The following SND1 variants were observed in gnomAD, a reference collection of about 807,000 sequenced individuals.
SND1 encodes the protein staphylococcal nuclease and tudor domain containing 1, also known as staphylococcal nuclease domain-containing protein 1.
Under a neutral mutation model 121.7 loss-of-function variants are expected in SND1, and 38 were observed. The observed-to-expected ratio is 0.31, with a 90% confidence interval of 0.24 to 0.41. The LOEUF is 0.41. Among genes scored for constraint, SND1 ranks in the 10% least tolerant of loss-of-function variants. SND1 has a pLI of 1.00. For missense variants in SND1, 868 were observed against 1,184.6 expected, an observed-to-expected ratio of 0.73 and a Z score of 3.92; for synonymous variants, 401 against 447.4, an observed-to-expected ratio of 0.90 and a Z score of 1.31.
At chr7:127,837,918 G>A (rs1260480246) in intron 11 of SND1, among the ~76,000 whole-genome samples, 1 of 152,180 alleles carries the variant, frequency 6.6e-6, no homozygotes, top group Non-Finnish European at 1.5e-5. Flanking sequence ...ATAGAAGGGT[G>A]CGACTCCTGG....
chr7:127,979,297 A>G (rs575873489), intron 15 of SND1, among the ~76,000 whole-genome samples: 7 of 152,306 alleles, frequency 4.6e-5, no homozygotes, highest in African/African-American at 1.7e-4. Context: ...CAGCAAGGCA[A>G]TTTTACTTCT....
rs1046083057 is a variant in SND1 at position 127,952,520 on chromosome 7, C to T, written c.1669+23191C>T. 5.9e-5 allele frequency among the ~76,000 whole-genome samples: 9 copies of T among 151,476 alleles called. 1 individual carries two copies. Among genetic ancestry groups the T allele is most frequent in the African/African-American group, 2.2e-4 (9 of 40,796 alleles). ...TTAGCTGTAGGCTGAAAATTAGGAACTCTGAGCTTTCTTGTATTTTTTCAG... is the reference window on the plus strand; with the variant it reads ...TTAGCTGTAGGCTGAAAATTAGGAATTCTGAGCTTTCTTGTATTTTTTCAG... On this transcript the variant is annotated intron_variant, in intron 15 of 23. Transcript: ENST00000354725.
chr7:127,692,775 AG>A (rs1291842418), intron 2 of SND1, among the ~76,000 whole-genome samples: 2 of 152,220 alleles, frequency 1.3e-5, no homozygotes, highest in African/African-American at 4.8e-5. Flanking sequence ...TTACACGGTT[AG>A]GCATATGTCC....
chr7:128,029,657 G>A lies in SND1; in HGVS notation c.1779+38601G>A. On this transcript the variant is annotated intron_variant, in intron 16 of 23. Coordinates refer to ENST00000354725, the MANE Select transcript of SND1 (RefSeq NM_014390.4). This position sits in a 1 kb window ranked among gnomAD's most constrained non-coding sequence, Gnocchi z 4.2. Reference sequence around the variant, plus strand: ...CTCGCATGTGCATGGGAGCATGACAGCGGCCACAGCAGGTGGAATTGGTGG... The same window carrying A: ...CTCGCATGTGCATGGGAGCATGACAACGGCCACAGCAGGTGGAATTGGTGG... 6.2e-7 allele frequency: 1 copy of A among 1,613,986 alleles called. No homozygotes were observed. The highest frequency in any genetic ancestry group is 1.1e-5 in the South Asian group (1 of 91,072).
At chr7:127,840,069 C>T (rs1461619971) in intron 11 of SND1, among the ~76,000 whole-genome samples, 2 of 152,188 alleles carry the variant, frequency 1.3e-5, no homozygotes, top group Admixed American at 6.5e-5. Flanking sequence ...ACATTTACAG[C>T]GTAGTCTCCT....
At chr7:127,664,597 G>A (rs904219557) in intron 1 of SND1, among the ~76,000 whole-genome samples, 2 of 152,176 alleles carry the variant, frequency 1.3e-5, no homozygotes, top group Non-Finnish European at 2.9e-5. Context: ...TTACTAGTAA[G>A]TAGGCTGTTT....
chr7:127,967,948 A>G (rs1174832374), intron 15 of SND1, among the ~76,000 whole-genome samples: 1 of 152,156 alleles, frequency 6.6e-6, no homozygotes, highest in Non-Finnish European at 1.5e-5. Context: ...TACTCTATGT[A>G]TTTCCCCCTG....
At chr7:128,046,787 GACTA>G (rs148893838) in intron 16 of SND1, among the ~76,000 whole-genome samples, 51 of 152,236 alleles carry the variant, frequency 3.4e-4, no homozygotes, top group Non-Finnish European at 6.0e-4. Flanking sequence ...TAACTGCTAA[GACTA>G]ACTATTTCCT....
At chr7:127,817,948 A>G (rs1435542106) in intron 11 of SND1, among the ~76,000 whole-genome samples, 1 of 152,012 alleles carries the variant, frequency 6.6e-6, no homozygotes, top group Non-Finnish European at 1.5e-5. Flanking sequence ...GACATTGACA[A>G]TGACGTCGAG....
chr7:127,700,317 G>C (rs1293438177), intron 4 of SND1, among the ~76,000 whole-genome samples: 2 of 152,180 alleles, frequency 1.3e-5, no homozygotes, highest in East Asian at 1.9e-4. Context: ...TTGGATCCCT[G>C]AGGGTGTGGT....
chr7:127,789,083 A>G (rs1345604619), intron 10 of SND1, among the ~76,000 whole-genome samples: 1 of 152,204 alleles, frequency 6.6e-6, no homozygotes, highest in African/African-American at 2.4e-5. Flanking sequence ...TTACCCTGAA[A>G]GACTTCACAC....
chr7:127,993,222 G>A (rs1802559720), intron 16 of SND1, among the ~76,000 whole-genome samples: 1 of 152,196 alleles, frequency 6.6e-6, no homozygotes, highest in Non-Finnish European at 1.5e-5. Context: ...TATGAAAACT[G>A]TTTTCTGAAC....
chr7:127,671,057 T>G (rs1401960906), intron 1 of SND1, among the ~76,000 whole-genome samples: 1 of 152,152 alleles, frequency 6.6e-6, no homozygotes, highest in African/African-American at 2.4e-5. Flanking sequence ...AATAATAGTT[T>G]GATATTCAAA....
chr7:127,779,346 A>G (rs1797676821), intron 10 of SND1, among the ~76,000 whole-genome samples: 1 of 152,200 alleles, frequency 6.6e-6, no homozygotes, highest in Admixed American at 6.5e-5. Context: ...AGCCAGTCCT[A>G]ACTGGCCTCC....
intron 16 of SND1, among the ~76,000 whole-genome samples, chr7:128,047,621 G>A (rs939753664): frequency 6.6e-6 from 1 of 152,200 alleles, no homozygotes; most frequent in Non-Finnish European, 1.5e-5. Context: ...CCTCTTTTGT[G>A]AAAGAGATAC....
intron 1 of SND1, among the ~76,000 whole-genome samples, chr7:127,658,085 GTGGATCAC>G (rs1413375787): frequency 3.3e-5 from 5 of 152,114 alleles, no homozygotes; most frequent in African/African-American, 1.2e-4. Flanking sequence ...GCCGAAGCAG[GTGGATCAC>G]CTGAGGTCAG....
chr7:127,885,266 A>G (rs868255238), intron 12 of SND1, among the ~76,000 whole-genome samples: 2 of 152,288 alleles, frequency 1.3e-5, no homozygotes, highest in South Asian at 4.1e-4. Context: ...CACATGGGGA[A>G]CCCACCAAGA....
Position 128,091,990 on chromosome 7 carries a change from C to T in SND1, c.2668-3C>T, listed in dbSNP as rs767153750. The T allele has an allele frequency of 1.4e-5, 22 of 1,614,062 alleles. No individual in the cohort carries two copies. In the East Asian group the frequency reaches 3.3e-4, roughly 25 times the overall value. ...AAGAGCTATTGTCTGTTTTTTCTTA[C>T]AGCTGAACCTGTGGCGCTATGGAGA... On this transcript the variant is annotated splice_region_variant and splice_polypyrimidine_tract_variant and intron_variant, in intron 23 of 23. Coordinates refer to ENST00000354725, the MANE Select transcript of SND1 (RefSeq NM_014390.4).
intron 15 of SND1, among the ~76,000 whole-genome samples, chr7:127,984,279 C>G (rs895330265): frequency 6.6e-6 from 1 of 152,190 alleles, no homozygotes; most frequent in Non-Finnish European, 1.5e-5. Context: ...TCAGTGTTGA[C>G]CACTTCAACT....
Sources: gnomAD v4.1 joint callset for allele counts (sites outside exome capture counted in the v4.1 genomes callset) on GRCh38, gnomAD v4.1.1 for gene constraint, Gnocchi (gnomAD v3.1) non-coding constraint, MANE v1.5 for transcripts, NCBI Gene and HGNC (gene_info 2026-07-23, HGNC 2026-07-21) for gene names.